EIF3D: variants seen among roughly 807,000 people sequenced by gnomAD.
EIF3D encodes eIF3 p66.
Under a neutral mutation model 75.4 loss-of-function variants are expected in EIF3D, and 10 were observed. The ratio of observed to expected loss-of-function variants is 0.13; its 90% CI spans 0.08 to 0.22. EIF3D has a LOEUF of 0.22. EIF3D is among the 10% of genes least tolerant of loss of function. The pLI, the probability that EIF3D is intolerant of heterozygous loss-of-function variation, is 1.00. For synonymous variants in EIF3D, 246 were observed against 248.3 expected, an observed-to-expected ratio of 0.99 and a Z score of 0.09; for missense variants, 394 against 708.0, an observed-to-expected ratio of 0.56 and a Z score of 5.03.
In EIF3D at chr22:36,510,941, C is replaced by G. The variant is rs776973605; in HGVS notation, c.*46G>C. 1.9e-6 allele frequency: 3 copies of G among 1,586,326 alleles called. No homozygotes were observed. The highest frequency in any genetic ancestry group is 2.6e-6 in the Non-Finnish European group (3 of 1,170,016). ...CACATTCCACTAAGCATCAAAGGCC[C>G]TCGTAGTCTCGGTGGAAGGACAAAC... On this transcript the variant is annotated 3_prime_UTR_variant, in exon 15 of 15. Coordinates refer to ENST00000216190, the MANE Select transcript of EIF3D (RefSeq NM_003753.4).
In EIF3D at chr22:36,518,892, T is replaced by C. The variant is rs1233407824; in HGVS notation, c.730A>G (p.Asn244Asp). 1.2e-6 allele frequency: 2 copies of C among 1,613,986 alleles called. No homozygotes were observed. The highest frequency in any genetic ancestry group is 4.5e-5 in the East Asian group (2 of 44,882). ...AGGATGGCATCAGTGGCAAACACAT[T>C]CCCCTGAGTTTTTGCCAGCTGCAAA... ...VIRKLAKTQGNVFATDAILAT... is the reference protein window; with the variant it reads ...VIRKLAKTQGDVFATDAILAT... The change falls in exon 9 of 15, where the codon AAT (asparagine) becomes GAT (aspartate). Residue 244 changes from asparagine to aspartate, a missense_variant. Physicochemically the swap from Asn to Asp is conservative, Grantham distance 23 (BLOSUM62 1). Transcript: ENST00000216190.
intron 2 of EIF3D, 53 bp downstream of exon 2, chr22:36,525,946 G>C (rs972347805): frequency 2.1e-5 from 33 of 1,559,472 alleles, no homozygotes; most frequent in Non-Finnish European, 2.6e-5. Flanking sequence ...ACAGGGACTC[G>C]AGAGTAGCAG....
intron 14 of EIF3D, 112 bp from the exon 15 acceptor site, chr22:36,511,112 G>A (rs1438953842): frequency 1.4e-5 from 19 of 1,333,494 alleles, no homozygotes; most frequent in Admixed American, 7.8e-5. Context: ...CTTCCATTCC[G>A]AAGTTAAGCC....
intron 9 of EIF3D, among the ~76,000 whole-genome samples, chr22:36,517,822 A>T (rs1453756306): frequency 6.6e-6 from 1 of 152,004 alleles, no homozygotes; most frequent in Admixed American, 6.6e-5. Flanking sequence ...TCCACGGCTC[A>T]CTGCAACCTC....
At chr22:36,513,232 A>T (rs1424581845) in intron 12 of EIF3D, among the ~76,000 whole-genome samples, 1 of 152,214 alleles carries the variant, frequency 6.6e-6, no homozygotes, top group Non-Finnish European at 1.5e-5. Flanking sequence ...CACATGACAG[A>T]GGTTCCCAAA....
intron 12 of EIF3D, chr22:36,513,034 G>A (rs1247190608): frequency 1.9e-5 from 3 of 156,294 alleles, no homozygotes; most frequent in African/African-American, 7.2e-5. Flanking sequence ...GAGGCATGGT[G>A]GGATAGGAAA....
chr22:36,528,925 C>T (rs1376258047), intron 1 of EIF3D, 151 bp downstream of exon 1: 1 of 199,946 alleles, frequency 5.0e-6, no homozygotes, highest in Non-Finnish European at 1.0e-5. Context: ...GACGCGGGGC[C>T]CCCGAAAGTG....
chr22:36,512,884 A>G, intron 12 of EIF3D: 1 of 348,064 alleles, frequency 2.9e-6, no homozygotes, highest in Non-Finnish European at 5.3e-6. Context: ...CACACACTTT[A>G]GAAGTGTCAT....
At chr22:36,524,480 A>T in intron 4 of EIF3D, 116 bp downstream of exon 4, 3 of 1,464,372 alleles carry the variant, frequency 2.0e-6, no homozygotes, top group Non-Finnish European at 2.8e-6. Context: ...GAGATTCACG[A>T]AAAGACCTAT....
At chr22:36,525,110 T>C (rs1934574993) in intron 3 of EIF3D, among the ~76,000 whole-genome samples, 1 of 152,180 alleles carries the variant, frequency 6.6e-6, no homozygotes, top group African/African-American at 2.4e-5. Context: ...TAGATCACGA[T>C]ATACTTTCTT....
chr22:36,525,577 C>T, intron 3 of EIF3D, 87 bp downstream of exon 3: 2 of 1,435,720 alleles, frequency 1.4e-6, no homozygotes, highest in Non-Finnish European at 1.9e-6. Context: ...TCTTCCCATT[C>T]TAAAAAGCTT....
At chr22:36,521,698 G>A (rs1195103520) in intron 6 of EIF3D, among the ~76,000 whole-genome samples, 1 of 151,712 alleles carries the variant, frequency 6.6e-6, no homozygotes, top group African/African-American at 2.4e-5. Context: ...AGGCTGAGGT[G>A]GGTGGATCAT....
intron 12 of EIF3D, 176 bp from the exon 13 acceptor site, chr22:36,512,778 G>T: frequency 1.5e-6 from 1 of 677,208 alleles, no homozygotes; most frequent in Non-Finnish European, 2.4e-6. Context: ...ACAGCCTGCC[G>T]CACAGCAGTC....
At position 36,511,540 on chromosome 22, in the gene EIF3D, A is replaced by G. The variant is rs778888436; in HGVS notation, c.1596T>C (p.Asp532=). Residue 532 remains aspartate (D), a synonymous_variant, in exon 14 of 15, where the codon GAT becomes GAC. Transcript: ENST00000216190. ...LPDGTFSSDE[D]EEEEEEEEEE... ...CTTCTTCCTCCTCCTCTTCCTCCTC[A>G]TCTTCATCAGAGCTGAAGGTGCCAT... The G allele has an allele frequency of 1.2e-6, 2 of 1,613,618 alleles. No individual in the cohort carries two copies. Among genetic ancestry groups the G allele is most frequent in the Admixed American group, 3.3e-5 (2 of 59,914 alleles).
chr22:36,521,153 T>C (rs368371053), intron 6 of EIF3D, among the ~76,000 whole-genome samples: 50 of 152,260 alleles, frequency 3.3e-4, no homozygotes, highest in African/African-American at 1.2e-3. Flanking sequence ...TGAGCTGAGA[T>C]AGCACCACTG....
chr22:36,523,866 G>A (rs757373637), intron 5 of EIF3D, 29 bp downstream of exon 5: 46 of 1,604,700 alleles, frequency 2.9e-5, no homozygotes, highest in Non-Finnish European at 3.8e-5. Context: ...TGGGAAGGGT[G>A]TCTTGTTCCA....
chr22:36,510,868 GAT>G lies in EIF3D; in HGVS notation c.*117_*118del. The G allele has an allele frequency of 8.1e-7, 1 of 1,239,678 alleles. No homozygotes were observed. Among genetic ancestry groups the G allele is most frequent in the Non-Finnish European group, 1.1e-6 (1 of 903,380 alleles). 76.8% of individuals were successfully genotyped at this position (1,239,678 alleles called of 1,614,324 possible). A position where few individuals can be genotyped will look rare whatever the true frequency, so the allele number is the denominator to read the frequency against. On this transcript the variant is annotated 3_prime_UTR_variant, in exon 15 of 15. Transcript: ENST00000216190. The stretch of plus-strand genomic sequence containing the variant: ...CAGACGATGAGGGAAAGACTAAACA[GAT>G]ATATATTTTATTTCATCTGCTAAAT...
intron 1 of EIF3D, chr22:36,528,594 A>AG (rs1569003174): frequency 8.0e-6 from 1 of 125,540 alleles, no homozygotes; most frequent in Non-Finnish European, 1.6e-5. Flanking sequence ...ATCGCTGAAC[A>AG]GGGGGTGGGG....
At chr22:36,515,140 T>A (rs1934402473) in intron 12 of EIF3D, among the ~76,000 whole-genome samples, 1 of 152,226 alleles carries the variant, frequency 6.6e-6, no homozygotes, top group Non-Finnish European at 1.5e-5. Context: ...TCACCCACTC[T>A]CAGGCATTTC....
Sources: allele counts gnomAD v4.1 joint callset (sites outside exome capture counted in the v4.1 genomes callset), GRCh38; gene constraint gnomAD v4.1.1; transcripts MANE v1.5; gene names NCBI Gene and HGNC (gene_info 2026-07-23, HGNC 2026-07-21).